The following SHB variants were observed in gnomAD, a reference collection of about 807,000 sequenced individuals.
SHB encodes the protein SH2 domain containing adaptor protein B, also known as SH2 domain-containing adapter protein B.
A neutral mutation model predicts 52.3 loss-of-function variants in SHB; 20 were observed. That is an observed-to-expected ratio of 0.38 (90% confidence interval 0.27 to 0.56). SHB has a LOEUF of 0.56. SHB is among the 20% of genes least tolerant of loss of function. The pLI is 0.71. For missense variants in SHB, 825 were observed against 723.3 expected, an observed-to-expected ratio of 1.14 and a Z score of -1.61; for synonymous variants, 397 against 316.5, an observed-to-expected ratio of 1.25 and a Z score of -2.70.
chr9:38,009,530 G>C (rs1482680234), intron 2 of SHB, among the ~76,000 whole-genome samples: 2 of 152,236 alleles, frequency 1.3e-5, no homozygotes, highest in Admixed American at 6.5e-5. Flanking sequence ...GCAGAGCCAG[G>C]GGCAGAGCCA....
At chr9:37,923,198 C>T (rs1832203598) in intron 5 of SHB, among the ~76,000 whole-genome samples, 1 of 152,238 alleles carries the variant, frequency 6.6e-6, no homozygotes, top group Non-Finnish European at 1.5e-5. Context: ...ATGTAACCCT[C>T]AGTGTTCCAT....
At chr9:38,046,843 A>C (rs1417035119) in intron 1 of SHB, among the ~76,000 whole-genome samples, 5 of 152,196 alleles carry the variant, frequency 3.3e-5, no homozygotes, top group African/African-American at 9.7e-5. Context: ...GCTTATGACT[A>C]CCTCTTACAA....
At chr9:37,979,679 G>T (rs1363960387) in intron 2 of SHB, among the ~76,000 whole-genome samples, 1 of 151,386 alleles carries the variant, frequency 6.6e-6, no homozygotes, top group Non-Finnish European at 1.5e-5. Flanking sequence ...CACCAAAGTT[G>T]GGTGCAGTGG....
At position 37,954,767 on chromosome 9, in the gene SHB, A is replaced by AGGCT. The variant is rs1832608669; in HGVS notation, c.1226+1115_1226+1116insAGCC. Among the ~76,000 whole-genome samples, 3 of 152,220 alleles carry AGGCT rather than the reference A, an allele frequency of 2.0e-5. 1 individual carries two copies. Among genetic ancestry groups the AGGCT allele is most frequent in the Admixed American group, 2.0e-4 (3 of 15,278 alleles). ...TAGTTTGCAGACAATTCACAGAATG[A>AGGCT]ATGGCAGGCTAGGGAGGTGGGACTT... On this transcript the variant is annotated intron_variant, in intron 4 of 5. Coordinates refer to ENST00000377707, the MANE Select transcript of SHB (RefSeq NM_003028.3).
chr9:37,925,794 T>C (rs1184588454), intron 5 of SHB, among the ~76,000 whole-genome samples: 2 of 152,208 alleles, frequency 1.3e-5, no homozygotes, highest in African/African-American at 2.4e-5. Flanking sequence ...AATCTTACAT[T>C]GTGCGAAGAT....
chr9:37,988,308 G>T (rs903527045), intron 2 of SHB, among the ~76,000 whole-genome samples: 4 of 152,184 alleles, frequency 2.6e-5, no homozygotes, highest in African/African-American at 9.7e-5. Flanking sequence ...ATCCATCAGG[G>T]CTAATATTCC....
chr9:38,067,372 C>A (rs1423974666), intron 1 of SHB, among the ~76,000 whole-genome samples: 1 of 152,130 alleles, frequency 6.6e-6, no homozygotes. Flanking sequence ...CGGTACCAGG[C>A]AGCCCGGATT....
chr9:38,041,748 G>C (rs796402245), intron 1 of SHB, among the ~76,000 whole-genome samples: 5 of 152,144 alleles, frequency 3.3e-5, no homozygotes, highest in African/African-American at 1.2e-4. Flanking sequence ...GGAGGGATGT[G>C]ATCAGCTGCC....
intron 1 of SHB, among the ~76,000 whole-genome samples, chr9:38,042,499 C>G (rs935254901): frequency 3.9e-5 from 6 of 152,188 alleles, no homozygotes; most frequent in Non-Finnish European, 8.8e-5. Flanking sequence ...GGGGGAATCC[C>G]CAGTCTCTCT....
chr9:37,989,017 G>T (rs1215197481), intron 2 of SHB, among the ~76,000 whole-genome samples: 1 of 149,576 alleles, frequency 6.7e-6, no homozygotes, highest in African/African-American at 2.5e-5. Flanking sequence ...TTGGGACTTG[G>T]CAGTTTTCAT....
At chr9:37,965,506 T>C (rs545109259) in intron 3 of SHB, among the ~76,000 whole-genome samples, 1 of 152,012 alleles carries the variant, frequency 6.6e-6, no homozygotes, top group Non-Finnish European at 1.5e-5. Flanking sequence ...GGCCATGAGA[T>C]TTACTGGTAT....
At chr9:38,024,909 G>A (rs542468101) in intron 1 of SHB, among the ~76,000 whole-genome samples, 1 of 152,202 alleles carries the variant, frequency 6.6e-6, no homozygotes, top group East Asian at 1.9e-4. Context: ...TTCTGCAAAG[G>A]GAATCTTACA....
chr9:38,061,233 G>A (rs1325493664), intron 1 of SHB, among the ~76,000 whole-genome samples: 1 of 151,462 alleles, frequency 6.6e-6, no homozygotes, highest in African/African-American at 2.4e-5. Flanking sequence ...AATCGCCTGA[G>A]CCTGGGAAGT....
Position 38,067,965 on chromosome 9 carries a change from TGAG to T in SHB, c.678_680del (p.Ser227del). 1 of 1,552,286 alleles carries T rather than the reference TGAG, an allele frequency of 6.4e-7. No homozygotes were observed. The highest frequency in any genetic ancestry group is 8.6e-7 in the Non-Finnish European group (1 of 1,159,072). ...TGCCGGCCCCGCTCTCCTCCGCGGC[TGAG>T]GCGGCGCACTTGTTGAGCAGTTTCT... On this transcript the variant is annotated inframe_deletion, in exon 1 of 6. Coordinates refer to ENST00000377707, the MANE Select transcript of SHB (RefSeq NM_003028.3).
intron 5 of SHB, among the ~76,000 whole-genome samples, chr9:37,921,325 C>T (rs966855134): frequency 6.6e-6 from 1 of 152,148 alleles, no homozygotes; most frequent in African/African-American, 2.4e-5. Flanking sequence ...TAGCCGCTGT[C>T]GCTCCCACAG....
At chr9:38,040,044 G>A (rs561491827) in intron 1 of SHB, among the ~76,000 whole-genome samples, 1 of 152,386 alleles carries the variant, frequency 6.6e-6, no homozygotes, top group Admixed American at 6.5e-5. Flanking sequence ...GTTTCTGGAG[G>A]ATAAGCCTGG....
chr9:38,057,645 G>A (rs1176944876), intron 1 of SHB, among the ~76,000 whole-genome samples: 8 of 152,200 alleles, frequency 5.3e-5, no homozygotes, highest in Non-Finnish European at 1.2e-4. Context: ...ATGCACCAGA[G>A]GGATTACCGG....
At chr9:38,001,203 TTC>T (rs1821009264) in intron 2 of SHB, among the ~76,000 whole-genome samples, 2 of 152,234 alleles carry the variant, frequency 1.3e-5, no homozygotes, top group Non-Finnish European at 2.9e-5. Context: ...GCTTGCCCCT[TTC>T]TCCTCTGAAA....
chr9:37,936,540 TG>T (rs1317380113), intron 5 of SHB, among the ~76,000 whole-genome samples: 1 of 152,184 alleles, frequency 6.6e-6, no homozygotes, highest in Non-Finnish European at 1.5e-5. Flanking sequence ...CCAGGCCCTC[TG>T]GGGTGTTGAG....
Sources: allele counts gnomAD v4.1 joint callset (sites outside exome capture counted in the v4.1 genomes callset), GRCh38; gene constraint gnomAD v4.1.1; transcripts MANE v1.5; gene names NCBI Gene and HGNC (gene_info 2026-07-23, HGNC 2026-07-21).